The following ANKS1A variants were observed in gnomAD, a reference collection of about 807,000 sequenced individuals.
ANKS1A encodes the protein ankyrin repeat and sterile alpha motif domain containing 1A.
Under a neutral mutation model 120.3 loss-of-function variants are expected in ANKS1A, and 55 were observed. The ratio of observed to expected loss-of-function variants is 0.46; its 90% CI spans 0.37 to 0.57. ANKS1A has a LOEUF of 0.57. Ranked by LOEUF, ANKS1A falls within the 20% of genes least tolerant of loss-of-function variation. The pLI, the probability that ANKS1A is intolerant of heterozygous loss-of-function variation, is 0.00. For missense variants in ANKS1A, 1,123 were observed against 1,480.3 expected (o/e 0.76, Z 3.96); for synonymous variants, 590 against 604.7 (o/e 0.98, Z 0.36).
rs571830229 is a variant in ANKS1A at position 34,946,769 on chromosome 6, T to G, written c.198-20470T>G. Among the ~76,000 whole-genome samples the G allele has an allele frequency of 2.0e-5, 3 of 152,332 alleles. No homozygotes were observed. In the South Asian group the frequency reaches 6.2e-4, roughly 32 times the overall value. On this transcript the variant is annotated intron_variant, in intron 1 of 23. Transcript: ENST00000360359. ...TGCTGTACCTGCATATGCACAAAGG[T>G]GTAAGTATTAGGAGCTAATACAGAA...
intron 10 of ANKS1A, among the ~76,000 whole-genome samples, chr6:35,006,691 C>T (rs1773476327): frequency 6.6e-6 from 1 of 151,844 alleles, no homozygotes; most frequent in Non-Finnish European, 1.5e-5. Flanking sequence ...GGAGGCAGAG[C>T]TTGCAGTGAG....
chr6:35,062,137 G>GT (rs147228062), intron 13 of ANKS1A, among the ~76,000 whole-genome samples: 2,096 of 152,378 alleles, frequency 0.014, 49 homozygotes, highest in African/African-American at 0.046. Flanking sequence ...CAGGGCCTCT[G>GT]TAAGATGCGT....
At chr6:35,069,201 A>G (rs1272934172) in intron 13 of ANKS1A, among the ~76,000 whole-genome samples, 1 of 152,134 alleles carries the variant, frequency 6.6e-6, no homozygotes, top group Non-Finnish European at 1.5e-5. Context: ...GAGTGGGAAG[A>G]GTGACATCCC....
intron 1 of ANKS1A, among the ~76,000 whole-genome samples, chr6:34,931,478 G>A (rs534304213): frequency 6.6e-6 from 1 of 152,070 alleles, no homozygotes; most frequent in Admixed American, 6.6e-5. Context: ...GACCTTTTAT[G>A]CCTTCTTAGC....
intron 11 of ANKS1A, 51 bp from the exon 12 acceptor site, chr6:35,054,048 G>A (rs367892848): frequency 1.9e-6 from 3 of 1,548,758 alleles, no homozygotes; most frequent in Non-Finnish European, 2.7e-6. Context: ...AGCTGGTAAG[G>A]TTTACCCCAA....
chr6:35,014,318 A>T (rs536934577), intron 10 of ANKS1A, among the ~76,000 whole-genome samples: 1 of 152,354 alleles, frequency 6.6e-6, no homozygotes, highest in East Asian at 1.9e-4. Context: ...TCATATGATT[A>T]TAAGAATTTC....
chr6:35,089,449 G>A lies in ANKS1A; in HGVS notation c.*840G>A. 1.0e-6 allele frequency: 1 copy of A among 986,688 alleles called. No homozygotes were observed. The highest frequency in any genetic ancestry group is 1.2e-6 in the Non-Finnish European group (1 of 830,596). 61.1% of individuals were successfully genotyped at this position (986,688 alleles called of 1,614,324 possible). A position where few individuals can be genotyped will look rare whatever the true frequency, so the allele number is the denominator to read the frequency against. On this transcript the variant is annotated 3_prime_UTR_variant, in exon 24 of 24. Coordinates refer to ENST00000360359, the MANE Select transcript of ANKS1A (RefSeq NM_015245.3). ...GCCGTACTGCCTGCGTTGTGTCAGAGAATAGGAAAAGCAGCTTTGTTTGGG... is the reference window on the plus strand; with the variant it reads ...GCCGTACTGCCTGCGTTGTGTCAGAAAATAGGAAAAGCAGCTTTGTTTGGG...
chr6:34,907,619 G>C (rs911597730), intron 1 of ANKS1A, among the ~76,000 whole-genome samples: 5 of 152,140 alleles, frequency 3.3e-5, no homozygotes, highest in African/African-American at 1.2e-4. Flanking sequence ...TGACATAAGG[G>C]GAAGCTGGGT....
rs1444788139 is a variant in ANKS1A, at chr6:35,086,243, CTG to C, written c.3303+311_3303+312del. ...CCCAGTAACTGCGCCATCCCTGTGT[CTG>C]TGTCTGCTTTGCTCTGCACCCCAGG... On this transcript the variant is annotated intron_variant, in intron 22 of 23. Transcript: ENST00000360359. This position sits in a 1 kb window ranked among gnomAD's most constrained non-coding sequence, Gnocchi z 5.1. 1.2e-5 allele frequency: 16 copies of C among 1,363,994 alleles called. No homozygotes were observed. Among genetic ancestry groups the C allele is most frequent in the African/African-American group, 1.5e-5 (1 of 68,770 alleles). The allele number at this position is 1,363,994 out of a possible 1,614,324, so 84.5% of individuals were successfully genotyped here. A position where few individuals can be genotyped will look rare whatever the true frequency, so the allele number is the denominator to read the frequency against.
chr6:34,951,771 T>C (rs1770103596), intron 1 of ANKS1A, among the ~76,000 whole-genome samples: 1 of 152,228 alleles, frequency 6.6e-6, no homozygotes, highest in South Asian at 2.1e-4. Context: ...TTACCTTAAG[T>C]AACAGACTTT....
intron 1 of ANKS1A, among the ~76,000 whole-genome samples, chr6:34,948,153 T>G (rs1388311560): frequency 7.0e-6 from 1 of 142,840 alleles, no homozygotes; most frequent in African/African-American, 2.6e-5. Context: ...ATTTAGGTGT[T>G]TTTTTTTTTT....
intron 11 of ANKS1A, among the ~76,000 whole-genome samples, chr6:35,045,019 A>G (rs1280203463): frequency 6.6e-6 from 1 of 152,204 alleles, no homozygotes; most frequent in East Asian, 1.9e-4. Flanking sequence ...GCCCTGGGAA[A>G]TGGCAGGGAC....
chr6:34,907,302 AATTTCTTAAGTTTTGATCAATG>A (rs1767691636), intron 1 of ANKS1A, among the ~76,000 whole-genome samples: 1 of 152,166 alleles, frequency 6.6e-6, no homozygotes, highest in African/African-American at 2.4e-5. Flanking sequence ...TACCAGTGTT[AATTTCTTAAGTTTTGATCAATG>A]ATTTCTTAAG....
chr6:35,089,922 C>T lies in ANKS1A; in HGVS notation c.*1313C>T. ...CAGGTCCCAGGATGAATAATCCAGG[C>T]TTCAGCAACACTCCTCTTTCCCAGC... On this transcript the variant is annotated 3_prime_UTR_variant, in exon 24 of 24. Transcript: ENST00000360359. The T allele has an allele frequency of 1.7e-6, 2 of 1,160,354 alleles. No homozygotes were observed. Among genetic ancestry groups the T allele is most frequent in the South Asian group, 3.6e-5 (2 of 55,844 alleles). 71.9% of individuals were successfully genotyped at this position (1,160,354 alleles called of 1,614,324 possible).
chr6:34,965,376 G>A (rs547968623), intron 1 of ANKS1A, among the ~76,000 whole-genome samples: 3 of 152,014 alleles, frequency 2.0e-5, no homozygotes, highest in South Asian at 2.1e-4. Flanking sequence ...TTTTGAGATC[G>A]AGTCTCACTC....
chr6:34,932,981 A>G (rs1039502297), intron 1 of ANKS1A, among the ~76,000 whole-genome samples: 6 of 152,204 alleles, frequency 3.9e-5, no homozygotes, highest in African/African-American at 1.4e-4. Flanking sequence ...CAATTTCTCC[A>G]TATACTCACT....
In ANKS1A at chr6:34,889,524, G is replaced by C; in HGVS notation, c.122G>C (p.Gly41Ala). The C allele has an allele frequency of 1.6e-6, 2 of 1,273,730 alleles. No homozygotes were observed. Among genetic ancestry groups the C allele is most frequent in the Non-Finnish European group, 2.0e-6 (2 of 1,020,376 alleles). The allele number at this position is 1,273,730 out of a possible 1,614,324, so 78.9% of individuals were successfully genotyped here. A position where few individuals can be genotyped will look rare whatever the true frequency, so the allele number is the denominator to read the frequency against. ...GGGGGCGGCGGCGGCGGTGGCTCTG[G>C]GGGCGGCGGCGGCGGCAGCGGCGGC... Reference protein sequence around the residue: ...GFGGGGGGGSGGGGGGSGGGG... With the variant: ...GFGGGGGGGSAGGGGGSGGGG... The change falls in exon 1 of 24, where the codon GGG (glycine) becomes GCG (alanine). Residue 41 changes from glycine to alanine, a missense_variant. Gly to Ala is a moderately conservative substitution (Grantham distance 60). This residue lies in a region of ANKS1A where 73 missense variants were observed against 82.2 expected (regional missense o/e 0.89). Transcript: ENST00000360359. This position sits in a 1 kb window ranked among gnomAD's most constrained non-coding sequence, Gnocchi z 5.5.
chr6:34,934,602 A>C (rs147013821), intron 1 of ANKS1A, among the ~76,000 whole-genome samples: 10 of 152,350 alleles, frequency 6.6e-5, no homozygotes, highest in Non-Finnish European at 1.0e-4. Flanking sequence ...GTTACATATC[A>C]TTCAGCGGTC....
chr6:34,973,030 C>A (rs984166549), intron 3 of ANKS1A, among the ~76,000 whole-genome samples: 1 of 152,028 alleles, frequency 6.6e-6, no homozygotes, highest in Non-Finnish European at 1.5e-5. Flanking sequence ...TTAAGTTGTA[C>A]CTCCTGGAAT....
Sources: gnomAD v4.1 joint callset for allele counts (sites outside exome capture counted in the v4.1 genomes callset) on GRCh38, gnomAD v4.1.1 for gene constraint, gnomAD v4.1.1 regional missense constraint, Gnocchi (gnomAD v3.1) non-coding constraint, MANE v1.5 for transcripts, NCBI Gene and HGNC (gene_info 2026-07-23, HGNC 2026-07-21) for gene names.